The following ZBP1 variants were observed in gnomAD, a reference collection of about 807,000 sequenced individuals.
The protein encoded by ZBP1 is Z-DNA-binding protein 1.
In ZBP1, 42 loss-of-function variants were observed where a neutral mutation model predicts 41.1. The observed-to-expected ratio is 1.02, with a 90% CI of 0.80 to 1.32. The LOEUF is 1.32. Among genes scored for constraint, ZBP1 ranks in the 40% most tolerant of loss-of-function variants. The pLI is 0.00. For synonymous variants in ZBP1, 214 were observed against 205.2 expected, an observed-to-expected ratio of 1.04 and a Z score of -0.37; for missense variants, 562 against 549.7, an observed-to-expected ratio of 1.02 and a Z score of -0.22.
At chr20:57,620,003 A>G (rs2070960601) in intron 1 of ZBP1, among the ~76,000 whole-genome samples, 1 of 152,050 alleles carries the variant, frequency 6.6e-6, no homozygotes, top group Non-Finnish European at 1.5e-5. Context: ...TGCCCGGTTA[A>G]TTTTTGTAAT....
At chr20:57,606,978 G>C in intron 7 of ZBP1, 2 of 1,203,732 alleles carry the variant, frequency 1.7e-6, no homozygotes, top group South Asian at 3.2e-5. Flanking sequence ...ATGTAAAAAA[G>C]AATTAACATT....
chr20:57,618,410 T>C (rs1346703505), intron 1 of ZBP1, among the ~76,000 whole-genome samples: 2 of 152,164 alleles, frequency 1.3e-5, no homozygotes, highest in East Asian at 3.9e-4. Flanking sequence ...AGAATCAGTT[T>C]GTGCCTCACC....
intron 6 of ZBP1, 122 bp downstream of exon 6, chr20:57,611,592 TCTGGTTCAGCTGC>T: frequency 9.7e-7 from 1 of 1,034,220 alleles, no homozygotes. Context: ...CCTGCTCTAC[TCTGGTTCAGCTGC>T]CTGGTGGAAG....
At chr20:57,607,332 C>A (rs1449321175) in intron 7 of ZBP1, 16 of 1,274,324 alleles carry the variant, frequency 1.3e-5, no homozygotes, top group Non-Finnish European at 1.5e-5. Context: ...CAGGAAAACA[C>A]AAATTAGAAG....
At chr20:57,611,314 C>T (rs191244835) in intron 6 of ZBP1, among the ~76,000 whole-genome samples, 211 of 152,032 alleles carry the variant, frequency 1.4e-3, no homozygotes, top group Non-Finnish European at 2.6e-3. Flanking sequence ...GTGCGATCTC[C>T]GTTTACTGCA....
intron 7 of ZBP1, chr20:57,607,297 G>T: frequency 7.7e-7 from 1 of 1,296,658 alleles, no homozygotes; most frequent in South Asian, 1.2e-5. Flanking sequence ...AGTGAAGGCA[G>T]CAACTGCAAA....
chr20:57,614,216 G>A (rs2070755161), intron 4 of ZBP1, among the ~76,000 whole-genome samples: 1 of 151,912 alleles, frequency 6.6e-6, no homozygotes, highest in African/African-American at 2.4e-5. Context: ...TGTATTTTTA[G>A]TAGAGACGGG....
chr20:57,610,524 C>T lies in ZBP1; in HGVS notation c.875-157G>A, dbSNP rs1208499389. 2.9e-6 allele frequency: 2 copies of T among 681,922 alleles called. No homozygotes were observed. The highest frequency in any genetic ancestry group is 5.0e-6 in the Non-Finnish European group (2 of 401,368). The allele number at this position is 681,922 out of a possible 1,614,324, so 42.2% of individuals were successfully genotyped here. ...CTGTGCCTGCCCGCCACACCTCCAC[C>T]CGCCACACCTCCGCTCGTGCTGTTG... On this transcript the variant is annotated intron_variant, in intron 6 of 7. Transcript: ENST00000371173. The surrounding 1 kb of genome is among the most constrained non-coding windows in gnomAD (Gnocchi z 5.5).
rs554747305 is a variant in ZBP1, at chr20:57,615,215, C to T, written c.329-155G>A. On this transcript the variant is annotated intron_variant, in intron 3 of 7. Coordinates refer to ENST00000371173, the MANE Select transcript of ZBP1 (RefSeq NM_030776.3). ...ATGATAACGGGGTCATCATGACGCACCGCAGAGGTGCCCTGAGGGTGGGGG... is the reference window on the plus strand; with the variant it reads ...ATGATAACGGGGTCATCATGACGCATCGCAGAGGTGCCCTGAGGGTGGGGG... 1,792 of 845,930 alleles carry T rather than the reference C, an allele frequency of 2.1e-3. 12 individuals are homozygous for T. Among genetic ancestry groups the T allele is most frequent in the South Asian group, 9.1e-3 (538 of 59,222 alleles). The allele number at this position is 845,930 out of a possible 1,614,324, so 52.4% of individuals were successfully genotyped here.
At chr20:57,612,906 T>G (rs540215337) in intron 5 of ZBP1, 91 of 1,340,520 alleles carry the variant, frequency 6.8e-5, no homozygotes, top group Non-Finnish European at 7.9e-5. Context: ...TTTAAAATTT[T>G]ATTAGAAAAA....
At chr20:57,618,789 C>A (rs1302426929) in intron 1 of ZBP1, among the ~76,000 whole-genome samples, 1 of 152,088 alleles carries the variant, frequency 6.6e-6, no homozygotes, top group Non-Finnish European at 1.5e-5. Flanking sequence ...CCTTTTTGGC[C>A]AGGCTGGTGT....
intron 1 of ZBP1, chr20:57,618,094 A>T (rs1195219458): frequency 1.3e-5 from 2 of 152,288 alleles, no homozygotes; most frequent in African/African-American, 4.8e-5. Flanking sequence ...TAGCTCACAC[A>T]ATGATTAAAA....
At chr20:57,607,760 A>G (rs2070533163) in intron 7 of ZBP1, among the ~76,000 whole-genome samples, 1 of 152,234 alleles carries the variant, frequency 6.6e-6, no homozygotes, top group Non-Finnish European at 1.5e-5. Context: ...CAAGACCTCC[A>G]CCAGCATAGA....
intron 1 of ZBP1, chr20:57,618,083 T>G (rs1334330626): frequency 6.6e-6 from 1 of 152,208 alleles, no homozygotes; most frequent in Non-Finnish European, 1.5e-5. Flanking sequence ...ATCAAAACCA[T>G]TAGCTCACAC....
At chr20:57,606,962 A>T (rs1226299661) in intron 7 of ZBP1, 1 of 1,190,414 alleles carries the variant, frequency 8.4e-7, no homozygotes. Context: ...ACGGGCTCTG[A>T]TGGAGATGTA....
chr20:57,616,212 G>T, intron 2 of ZBP1, 32 bp downstream of exon 2: 9 of 1,604,924 alleles, frequency 5.6e-6, no homozygotes, highest in Non-Finnish European at 7.7e-6. Flanking sequence ...CTCCCTGCAG[G>T]GTCAGACCCG....
Position 57,604,514 on chromosome 20 carries a change from A to C in ZBP1, c.*59T>G. ...TAAGGAATGCAGAGAGCAGCAGGCT[A>C]GTCTCCCTAGCATGCGCCCACCCCC... On this transcript the variant is annotated 3_prime_UTR_variant, in exon 8 of 8. Coordinates refer to ENST00000371173, the MANE Select transcript of ZBP1 (RefSeq NM_030776.3). 6.3e-7 allele frequency: 1 copy of C among 1,576,062 alleles called. No individual in the cohort carries two copies. Among genetic ancestry groups the C allele is most frequent in the Non-Finnish European group, 8.7e-7 (1 of 1,147,170 alleles).
rs182812894 is a variant in ZBP1 at position 57,608,171 on chromosome 20, G to A, written c.1093+1978C>T. On this transcript the variant is annotated intron_variant, in intron 7 of 7. Transcript: ENST00000371173. ...GAGTCTTGCTCTGTCGCCCAGGCTG[G>A]AGTGCAGTGGCATGATCTTGGCTCA... Among the ~76,000 whole-genome samples, 227 of 151,872 alleles carry A rather than the reference G, an allele frequency of 1.5e-3. 2 individuals carry two copies. Among genetic ancestry groups the A allele is most frequent in the African/African-American group, 5.4e-3 (222 of 41,462 alleles).
chr20:57,607,127 G>T (rs4811888), intron 7 of ZBP1: 3 of 1,304,132 alleles, frequency 2.3e-6, no homozygotes, highest in South Asian at 2.5e-5. Flanking sequence ...AGATGGATCT[G>T]GGCAAAGTAA....
Sources: gnomAD v4.1 joint callset for allele counts (sites outside exome capture counted in the v4.1 genomes callset) on GRCh38, gnomAD v4.1.1 for gene constraint, Gnocchi (gnomAD v3.1) non-coding constraint, MANE v1.5 for transcripts, NCBI Gene and HGNC (gene_info 2026-07-23, HGNC 2026-07-21) for gene names.